RNF182: variants seen among roughly 807,000 people sequenced by gnomAD.
RNF182 encodes E3 ubiquitin-protein ligase RNF182.
A neutral mutation model predicts 14.4 loss-of-function variants in RNF182; 15 were observed. The ratio of observed to expected loss-of-function variants is 1.04; its 90% CI spans 0.70 to 1.60. The LOEUF is 1.60. Among genes scored for constraint, RNF182 ranks in the 40% most tolerant of loss-of-function variants. RNF182 has a pLI of 0.00. For synonymous variants in RNF182, 128 were observed against 122.9 expected (o/e 1.04, Z -0.27); for missense variants, 268 against 294.8 (o/e 0.91, Z 0.67).
At chr6:13,929,563 C>G (rs1485357120) in intron 1 of RNF182, among the ~76,000 whole-genome samples, 2 of 152,212 alleles carry the variant, frequency 1.3e-5, no homozygotes, top group African/African-American at 4.8e-5. Context: ...CTCTGTCAAT[C>G]AAACCTTTAT....
chr6:13,959,276 T>A (rs898202988), intron 1 of RNF182, among the ~76,000 whole-genome samples: 2 of 152,232 alleles, frequency 1.3e-5, no homozygotes, highest in African/African-American at 4.8e-5. Flanking sequence ...CTTTGTACTG[T>A]TCATGGAACT....
At chr6:13,939,543 T>G (rs1759233251) in intron 1 of RNF182, among the ~76,000 whole-genome samples, 1 of 151,906 alleles carries the variant, frequency 6.6e-6, no homozygotes, top group South Asian at 2.1e-4. Flanking sequence ...TTATTTTTAT[T>G]TTTTTATTTT....
In RNF182 at chr6:13,927,766, A is replaced by G. The variant is rs374661820; in HGVS notation, c.-367+2743A>G. On this transcript the variant is annotated intron_variant, in intron 1 of 2. Transcript: ENST00000488300. Reference sequence around the variant, plus strand: ...CAATTTCTAGTTGCACTGTGATAACATGATTACTGGTTGGTAATTTAGCAT... The same window carrying G: ...CAATTTCTAGTTGCACTGTGATAACGTGATTACTGGTTGGTAATTTAGCAT... Among the ~76,000 whole-genome samples the G allele has an allele frequency of 4.6e-5, 7 of 152,388 alleles. No individual in the cohort carries two copies. In the East Asian group the frequency reaches 5.8e-4, roughly 13 times the overall value.
At chr6:13,970,095 C>T (rs568235206) in intron 1 of RNF182, among the ~76,000 whole-genome samples, 1 of 152,216 alleles carries the variant, frequency 6.6e-6, no homozygotes, top group Non-Finnish European at 1.5e-5. Context: ...GTATGATGGT[C>T]AAGTCAGGGT....
intron 1 of RNF182, among the ~76,000 whole-genome samples, chr6:13,943,201 C>CAT (rs1050089203): frequency 6.6e-5 from 10 of 151,818 alleles, no homozygotes; most frequent in African/African-American, 2.4e-4. Flanking sequence ...TATTTAATAA[C>CAT]ATATATATCA....
At chr6:13,951,942 C>A (rs1306305935) in intron 1 of RNF182, among the ~76,000 whole-genome samples, 1 of 152,200 alleles carries the variant, frequency 6.6e-6, no homozygotes, top group African/African-American at 2.4e-5. Flanking sequence ...CCAGCATCAA[C>A]CTGGCAAGGC....
At chr6:13,938,004 GTTTTTTTTTTT>G (rs70989897) in intron 1 of RNF182, among the ~76,000 whole-genome samples, 1 of 79,598 alleles carries the variant, frequency 1.3e-5, no homozygotes, top group African/African-American at 5.1e-5. Context: ...TTTTCTTACT[GTTTTTTTTTTT>G]TTTTTTTTTT....
chr6:13,927,095 G>A (rs1758849361), intron 1 of RNF182, among the ~76,000 whole-genome samples: 1 of 152,092 alleles, frequency 6.6e-6, no homozygotes, highest in Non-Finnish European at 1.5e-5. Context: ...AATAAAGTCG[G>A]TATACAGAAA....
intron 1 of RNF182, among the ~76,000 whole-genome samples, chr6:13,962,592 T>C (rs1385496755): frequency 1.3e-5 from 2 of 152,294 alleles, no homozygotes; most frequent in East Asian, 3.9e-4. Context: ...ACAGAAACCA[T>C]AGTTAATGAA....
chr6:13,931,268 G>C (rs952768432), intron 1 of RNF182, among the ~76,000 whole-genome samples: 3 of 152,132 alleles, frequency 2.0e-5, no homozygotes, highest in African/African-American at 7.2e-5. Flanking sequence ...CTGTGTTCTG[G>C]ATTGGAAATG....
chr6:13,960,682 T>C (rs1471218067), intron 1 of RNF182, among the ~76,000 whole-genome samples: 10 of 108,890 alleles, frequency 9.2e-5, no homozygotes, highest in African/African-American at 3.0e-4. Context: ...TGTGTGTGTG[T>C]GTGTGTGTGT....
At chr6:13,925,203 G>C (rs1585025826) in intron 1 of RNF182, 180 bp downstream of exon 1, 1 of 151,188 alleles carries the variant, frequency 6.6e-6, no homozygotes, top group Non-Finnish European at 1.5e-5. Flanking sequence ...GTCTCCCTCC[G>C]GGCACCACGG....
chr6:13,930,431 A>G (rs2113577450), intron 1 of RNF182, among the ~76,000 whole-genome samples: 1 of 152,216 alleles, frequency 6.6e-6, no homozygotes, highest in Middle Eastern at 3.4e-3. Flanking sequence ...ATCCATTTGC[A>G]TTGCCTCACG....
At chr6:13,965,751 T>C (rs1192576617) in intron 1 of RNF182, among the ~76,000 whole-genome samples, 1 of 152,126 alleles carries the variant, frequency 6.6e-6, no homozygotes, top group Non-Finnish European at 1.5e-5. Flanking sequence ...CACGAGACGA[T>C]GAGTATTGCC....
chr6:13,971,681 A>G (rs1276456748), intron 1 of RNF182, among the ~76,000 whole-genome samples: 2 of 152,198 alleles, frequency 1.3e-5, no homozygotes, highest in Non-Finnish European at 2.9e-5. Flanking sequence ...GGAATTTCCT[A>G]GAGACTTTGA....
chr6:13,933,168 A>G (rs1318274871), intron 1 of RNF182, among the ~76,000 whole-genome samples: 4 of 152,130 alleles, frequency 2.6e-5, no homozygotes, highest in African/African-American at 9.7e-5. Context: ...CCTTCTTTTC[A>G]GGTAGTATTG....
intron 1 of RNF182, among the ~76,000 whole-genome samples, chr6:13,957,967 T>A (rs1759769816): frequency 3.3e-5 from 5 of 152,122 alleles, no homozygotes; most frequent in Admixed American, 3.3e-4. Flanking sequence ...AATTGGAGAT[T>A]TTAAATGATG....
chr6:13,965,297 A>G (rs771628752), intron 1 of RNF182, among the ~76,000 whole-genome samples: 1 of 152,232 alleles, frequency 6.6e-6, no homozygotes, highest in Non-Finnish European at 1.5e-5. Flanking sequence ...CAGAACAAAA[A>G]TATAAAGGAA....
rs1281287397 is a variant in RNF182 at position 13,978,136 on chromosome 6, A to T, written c.*273A>T. On this transcript the variant is annotated 3_prime_UTR_variant, in exon 3 of 3. Transcript: ENST00000488300. The stretch of plus-strand genomic sequence containing the variant: ...GAGAAAGGACAGGGTTTCTCTCAGC[A>T]CTGCCAGACAGACGGCAGGGGTGTG... 2.6e-6 allele frequency: 1 copy of T among 379,494 alleles called. No homozygotes were observed. The allele number at this position is 379,494 out of a possible 1,614,324, so 23.5% of individuals were successfully genotyped here.
Sources: allele counts gnomAD v4.1 joint callset (sites outside exome capture counted in the v4.1 genomes callset), GRCh38; gene constraint gnomAD v4.1.1; transcripts MANE v1.5; gene names NCBI Gene and HGNC (gene_info 2026-07-23, HGNC 2026-07-21).